DSC1: variants seen among roughly 807,000 people sequenced by gnomAD.
The protein encoded by DSC1 is desmocollin 1.
Under a neutral mutation model 98.8 loss-of-function variants are expected in DSC1, and 79 were observed. The ratio of observed to expected loss-of-function variants is 0.80; its 90% CI spans 0.67 to 0.96. The LOEUF (loss-of-function observed/expected upper bound fraction) is 0.96, where lower values mean the gene tolerates loss of function less well. DSC1 is among the 50% of genes least tolerant of loss of function. The pLI, the probability that DSC1 is intolerant of heterozygous loss-of-function variation, is 0.00. For missense variants in DSC1, 1,115 were observed against 1,075.9 expected, an observed-to-expected ratio of 1.04 and a Z score of -0.51; for synonymous variants, 405 against 372.1, an observed-to-expected ratio of 1.09 and a Z score of -1.02.
intron 2 of DSC1, 96 bp downstream of exon 2, chr18:31,159,349 G>C (rs895684224): frequency 7.9e-7 from 1 of 1,269,030 alleles, no homozygotes; most frequent in Non-Finnish European, 1.1e-6. Flanking sequence ...CACCGCGCCC[G>C]GCCTACTATG....
intron 9 of DSC1, among the ~76,000 whole-genome samples, chr18:31,141,011 C>T (rs910764804): frequency 5.3e-5 from 8 of 152,158 alleles, no homozygotes; most frequent in Non-Finnish European, 2.9e-5. Flanking sequence ...CTGCCTCATT[C>T]TTCTCTTGCT....
chr18:31,137,981 G>A (rs1287244666), intron 11 of DSC1, among the ~76,000 whole-genome samples: 1 of 151,364 alleles, frequency 6.6e-6, no homozygotes, highest in Non-Finnish European at 1.5e-5. Flanking sequence ...GTGTGTGTGT[G>A]TGTGTGTGTG....
chr18:31,140,071 G>A lies in DSC1; in HGVS notation c.1491C>T (p.Asp497=), dbSNP rs777743003. The change falls in exon 10 of 16, where the codon GAC becomes GAT. Residue 497 remains aspartate, a synonymous_variant. Coordinates refer to ENST00000257198, the MANE Select transcript of DSC1 (RefSeq NM_024421.2). ...AGCCTTCACCACTGGATATTTCCGG[G>A]TCCAGTGCTTTGTATCCAAGGAGTT... The part of the protein sequence containing the change: ...GQELLGYKAL[D]PEISSGEGLR... 4 of 1,613,940 alleles carry A rather than the reference G, an allele frequency of 2.5e-6. No homozygotes were observed. Among genetic ancestry groups the A allele is most frequent in the Non-Finnish European group, 2.5e-6 (3 of 1,179,922 alleles).
intron 4 of DSC1, 69 bp from the exon 5 acceptor site, chr18:31,154,998 G>T: frequency 1.3e-6 from 2 of 1,550,862 alleles, no homozygotes; most frequent in East Asian, 2.3e-5. Flanking sequence ...CTCTTGTGAT[G>T]GTTTATTTTT....
chr18:31,140,626 A>T (rs186727536), intron 9 of DSC1, among the ~76,000 whole-genome samples: 19 of 152,320 alleles, frequency 1.2e-4, no homozygotes, highest in African/African-American at 1.7e-4. Context: ...ACTGCTTATT[A>T]TATGGGATAA....
At chr18:31,152,169 C>A (rs201224000) in intron 5 of DSC1, among the ~76,000 whole-genome samples, 6 of 150,208 alleles carry the variant, frequency 4.0e-5, no homozygotes, top group East Asian at 2.0e-4. Context: ...ATCAAAAAAA[C>A]AACAAAAAAA....
chr18:31,157,141 A>T (rs2143930937), intron 3 of DSC1, among the ~76,000 whole-genome samples: 1 of 152,330 alleles, frequency 6.6e-6, no homozygotes, highest in Admixed American at 6.5e-5. Context: ...AAACTCTGAT[A>T]TTCTTACTTT....
intron 9 of DSC1, among the ~76,000 whole-genome samples, chr18:31,140,575 A>G (rs1332507950): frequency 6.6e-6 from 1 of 152,224 alleles, no homozygotes; most frequent in East Asian, 1.9e-4. Flanking sequence ...AAATATTAAT[A>G]GAAATGCAAG....
chr18:31,159,178 C>G (rs964099326), intron 2 of DSC1, among the ~76,000 whole-genome samples: 5 of 102,432 alleles, frequency 4.9e-5, no homozygotes, highest in African/African-American at 1.7e-4. Context: ...CTCAGCCTCC[C>G]GAGTAGCTGG....
intron 11 of DSC1, among the ~76,000 whole-genome samples, chr18:31,135,232 G>T (rs758016088): frequency 2.6e-5 from 4 of 152,000 alleles, no homozygotes; most frequent in African/African-American, 9.7e-5. Flanking sequence ...CTTCCTGTCT[G>T]CTTTGTAGCA....
chr18:31,156,154 C>T lies in DSC1; in HGVS notation c.360G>A (p.Lys120=). 1 of 1,607,362 alleles carries T rather than the reference C, an allele frequency of 6.2e-7. No homozygotes were observed. Among genetic ancestry groups the T allele is most frequent in the Middle Eastern group, 1.7e-4 (1 of 6,030 alleles). ...VLSARENKSP[K]KRHTKDTALK... ...GGGCTGTGTCTTTGGTATGTCTCTT[C>T]TTAGGAGACTACATTTGACAAGAAA... Residue 120 remains lysine, a synonymous_variant, in exon 4 of 16, where the codon AAG becomes AAA. Transcript: ENST00000257198.
At chr18:31,135,893 C>T (rs1988599578) in intron 11 of DSC1, among the ~76,000 whole-genome samples, 1 of 152,060 alleles carries the variant, frequency 6.6e-6, no homozygotes, top group African/African-American at 2.4e-5. Context: ...TTGAATTTAT[C>T]ATAAAGACTA....
intron 3 of DSC1, 105 bp from the exon 4 acceptor site, chr18:31,156,267 C>T: frequency 7.3e-7 from 1 of 1,365,732 alleles, no homozygotes; most frequent in Non-Finnish European, 1.0e-6. Context: ...TTACACATTA[C>T]AATATCATGG....
At chr18:31,150,225 C>T (rs1296458840) in intron 5 of DSC1, among the ~76,000 whole-genome samples, 2 of 144,578 alleles carry the variant, frequency 1.4e-5, no homozygotes, top group African/African-American at 2.6e-5. Flanking sequence ...ATCACCACCA[C>T]TACCACCATC....
chr18:31,140,829 T>C (rs1030668181), intron 9 of DSC1, among the ~76,000 whole-genome samples: 2 of 152,224 alleles, frequency 1.3e-5, no homozygotes, highest in African/African-American at 4.8e-5. Context: ...GTTGGCTATG[T>C]CCCACCCACA....
At chr18:31,145,896 T>C (rs1988835938) in intron 6 of DSC1, 119 bp from the exon 7 acceptor site, 1 of 1,086,618 alleles carries the variant, frequency 9.2e-7, no homozygotes, top group Non-Finnish European at 1.3e-6. Context: ...AGATTAGTTC[T>C]ACTGTTAAGT....
intron 9 of DSC1, among the ~76,000 whole-genome samples, chr18:31,141,742 C>G (rs1317539662): frequency 6.6e-6 from 1 of 152,138 alleles, no homozygotes; most frequent in Non-Finnish European, 1.5e-5. Context: ...AAGCAAATAT[C>G]TGGTTCAGTA....
intron 4 of DSC1, among the ~76,000 whole-genome samples, chr18:31,155,799 T>G (rs1299464721): frequency 1.3e-5 from 2 of 152,202 alleles, no homozygotes; most frequent in Non-Finnish European, 2.9e-5. Flanking sequence ...AATTTAGACA[T>G]AGACCTAAGA....
chr18:31,132,498 A>G (rs1988515859), intron 14 of DSC1, 70 bp downstream of exon 14: 3 of 1,575,014 alleles, frequency 1.9e-6, no homozygotes, highest in South Asian at 2.3e-5. Context: ...ATTATCATTG[A>G]CATTGTTGAG....
Sources: gnomAD v4.1 joint callset for allele counts (sites outside exome capture counted in the v4.1 genomes callset) on GRCh38, gnomAD v4.1.1 for gene constraint, MANE v1.5 for transcripts, NCBI Gene and HGNC (gene_info 2026-07-23, HGNC 2026-07-21) for gene names.